Variants in GLRA3 observed in about 807,000 individuals in gnomAD.
The protein encoded by GLRA3 is glycine receptor subunit alpha-3.
Under a neutral mutation model 60.4 loss-of-function variants are expected in GLRA3, and 44 were observed. The ratio of observed to expected loss-of-function variants is 0.73; its 90% CI spans 0.57 to 0.94. The LOEUF (loss-of-function observed/expected upper bound fraction) is 0.94. Ranked by LOEUF, GLRA3 falls within the 40% of genes least tolerant of loss-of-function variation. The pLI is 0.00. For missense variants in GLRA3, 508 were observed against 564.6 expected (o/e 0.90, Z 1.02); for synonymous variants, 223 against 192.9 (o/e 1.16, Z -1.29).
At chr4:174,788,042 A>G (rs1395820035) in intron 2 of GLRA3, among the ~76,000 whole-genome samples, 1 of 152,000 alleles carries the variant, frequency 6.6e-6, no homozygotes, top group Non-Finnish European at 1.5e-5. Context: ...GCTTAACTGA[A>G]TCCCATGAAA....
chr4:174,676,556 T>C (rs1734125144), intron 7 of GLRA3, among the ~76,000 whole-genome samples: 1 of 152,146 alleles, frequency 6.6e-6, no homozygotes, highest in Non-Finnish European at 1.5e-5. Context: ...TATATGGATA[T>C]ATATGTGTGT....
intron 5 of GLRA3, among the ~76,000 whole-genome samples, chr4:174,694,194 A>G (rs959249607): frequency 3.9e-5 from 6 of 152,188 alleles, no homozygotes; most frequent in African/African-American, 9.7e-5. Context: ...CAGAAAAGTA[A>G]AAAACATATT....
intron 3 of GLRA3, among the ~76,000 whole-genome samples, chr4:174,738,171 A>C (rs1247799238): frequency 6.6e-6 from 1 of 152,238 alleles, no homozygotes; most frequent in East Asian, 1.9e-4. Context: ...CTATCATTGA[A>C]TATTGCTGCC....
At chr4:174,710,690 T>C (rs996544923) in intron 5 of GLRA3, among the ~76,000 whole-genome samples, 1 of 152,138 alleles carries the variant, frequency 6.6e-6, no homozygotes, top group African/African-American at 2.4e-5. Context: ...CTGAAAAAGA[T>C]AGAATTGCTC....
intron 3 of GLRA3, among the ~76,000 whole-genome samples, chr4:174,742,656 T>A (rs1737071909): frequency 6.6e-6 from 1 of 152,174 alleles, no homozygotes; most frequent in South Asian, 2.1e-4. Context: ...ACTTGCAATA[T>A]GTGCCATTAG....
chr4:174,727,579 A>G (rs1371735506), intron 4 of GLRA3, among the ~76,000 whole-genome samples: 2 of 152,218 alleles, frequency 1.3e-5, no homozygotes, highest in African/African-American at 2.4e-5. Flanking sequence ...AAACTAAATT[A>G]GAAAAACAAT....
chr4:174,656,827 C>A, intron 8 of GLRA3, 40 bp from the exon 9 acceptor site: 4 of 1,179,742 alleles, frequency 3.4e-6, no homozygotes, highest in Non-Finnish European at 5.1e-6. Flanking sequence ...ATTGAGAAAC[C>A]AGAGAATCAA....
intron 1 of GLRA3, among the ~76,000 whole-genome samples, chr4:174,806,344 T>C (rs1740051670): frequency 6.6e-6 from 1 of 152,112 alleles, no homozygotes; most frequent in South Asian, 2.1e-4. Flanking sequence ...AACATTCTTA[T>C]AGAAGCAGAA....
At chr4:174,752,972 A>G (rs1367303801) in intron 3 of GLRA3, among the ~76,000 whole-genome samples, 1 of 152,168 alleles carries the variant, frequency 6.6e-6, no homozygotes, top group African/African-American at 2.4e-5. Flanking sequence ...CATGTTCTCC[A>G]TAGAACAAAT....
chr4:174,732,200 C>G (rs1736575391), intron 3 of GLRA3, among the ~76,000 whole-genome samples: 1 of 151,812 alleles, frequency 6.6e-6, no homozygotes, highest in Non-Finnish European at 1.5e-5. Context: ...ACTAAAAACA[C>G]AAAAATTAGC....
At chr4:174,804,907 G>A (rs1429025154) in intron 1 of GLRA3, among the ~76,000 whole-genome samples, 2 of 152,158 alleles carry the variant, frequency 1.3e-5, no homozygotes, top group African/African-American at 4.8e-5. Flanking sequence ...TTATTATGCA[G>A]ATGGCTTCTC....
chr4:174,647,569 A>G (rs531173342), intron 9 of GLRA3, among the ~76,000 whole-genome samples: 85 of 152,298 alleles, frequency 5.6e-4, no homozygotes, highest in African/African-American at 2.0e-3. Flanking sequence ...CTGCAACTCC[A>G]GGCAAGTGAC....
chr4:174,764,216 T>C (rs1738049168), intron 3 of GLRA3, among the ~76,000 whole-genome samples: 1 of 150,942 alleles, frequency 6.6e-6, no homozygotes, highest in Non-Finnish European at 1.5e-5. Flanking sequence ...AAAAGTAGAC[T>C]AATAGAGAAA....
chr4:174,819,591 G>T (rs1740652787), intron 1 of GLRA3, among the ~76,000 whole-genome samples: 3 of 152,028 alleles, frequency 2.0e-5, no homozygotes. Context: ...AGAAAAAAAT[G>T]TTTTTTCTCA....
At chr4:174,816,681 A>G (rs1286869041) in intron 1 of GLRA3, among the ~76,000 whole-genome samples, 1 of 151,622 alleles carries the variant, frequency 6.6e-6, no homozygotes, top group East Asian at 1.9e-4. Context: ...CTGTTTTTGA[A>G]ATGTGCTATA....
At position 174,751,104 on chromosome 4, in the gene GLRA3, T is replaced by TCA. The variant is rs1561095161; in HGVS notation, c.267+15858_267+15859insTG. Among the ~76,000 whole-genome samples, 32 of 145,310 alleles carry TCA rather than the reference T, an allele frequency of 2.2e-4. No individual in the cohort carries two copies. In the South Asian group the frequency reaches 4.1e-3, roughly 19 times the overall value. On this transcript the variant is annotated intron_variant, in intron 3 of 9. Transcript: ENST00000274093. Reference sequence around the variant, plus strand: ...CTATCTATCTATCTATCTATCTATCTATCAATCATCTATCTACCTACCTAC... The same window carrying TCA: ...CTATCTATCTATCTATCTATCTATCTCAATCAATCATCTATCTACCTACCTAC...
rs761280535 is a variant in GLRA3, at chr4:174,643,975, G to A, written c.1206C>T (p.Gly402=). 2 of 1,613,646 alleles carry A rather than the reference G, an allele frequency of 1.2e-6. No homozygotes were observed. Among genetic ancestry groups the A allele is most frequent in the South Asian group, 2.2e-5 (2 of 91,058 alleles). The change falls in exon 10 of 10, where the codon GGC becomes GGT. Residue 402 remains glycine, a synonymous_variant. Transcript: ENST00000274093. ...LQAKDGMTPK[G]PNHPVQVMPK... ...GCATTACCTGGACAGGGTGGTTGGG[G>A]CCCTTTGGAGTCATGCCATCCTTTG...
chr4:174,661,162 ATCACACACACACACACATAT>A (rs375482586), intron 7 of GLRA3, among the ~76,000 whole-genome samples: 24 of 152,088 alleles, frequency 1.6e-4, no homozygotes, highest in Middle Eastern at 3.4e-3. Flanking sequence ...AGAGCTAGCA[ATCACACACACACACACATAT>A]TCACACACAC....
At chr4:174,785,414 T>G (rs1157682712) in intron 2 of GLRA3, among the ~76,000 whole-genome samples, 1 of 152,068 alleles carries the variant, frequency 6.6e-6, no homozygotes, top group Non-Finnish European at 1.5e-5. Flanking sequence ...CAGAAATAAA[T>G]TCATAATTAT....
Sources: gnomAD v4.1 joint callset for allele counts (sites outside exome capture counted in the v4.1 genomes callset) on GRCh38, gnomAD v4.1.1 for gene constraint, MANE v1.5 for transcripts, NCBI Gene and HGNC (gene_info 2026-07-23, HGNC 2026-07-21) for gene names.